The following PCCA variants were observed in gnomAD, a reference collection of about 807,000 sequenced individuals.
PCCA encodes the protein propionyl-CoA carboxylase subunit alpha.
PCCA carries 74 observed loss-of-function variants against 101.3 expected under a neutral mutation model. That is an observed-to-expected ratio of 0.73 (90% confidence interval 0.61 to 0.89). The LOEUF is 0.89. PCCA is among the 40% of genes least tolerant of loss of function. The pLI is 0.00. For missense variants in PCCA, 891 were observed against 907.0 expected, an observed-to-expected ratio of 0.98 and a Z score of 0.23; for synonymous variants, 294 against 313.6, an observed-to-expected ratio of 0.94 and a Z score of 0.66.
intron 4 of PCCA, among the ~76,000 whole-genome samples, chr13:100,115,845 G>T (rs1275751583): frequency 6.6e-6 from 1 of 152,118 alleles, no homozygotes; most frequent in Non-Finnish European, 1.5e-5. Flanking sequence ...CAGAGATTAT[G>T]ATACATAATT....
At chr13:100,338,594 T>C (rs561137492) in intron 17 of PCCA, among the ~76,000 whole-genome samples, 1 of 151,834 alleles carries the variant, frequency 6.6e-6, no homozygotes, top group Non-Finnish European at 1.5e-5. Flanking sequence ...ACTTCTTATA[T>C]AGAGTAATTA....
Position 100,186,738 on chromosome 13 carries a change from C to CAAAAAAAA in PCCA, c.469-22591_469-22584dup, listed in dbSNP as rs376028376. Among the ~76,000 whole-genome samples, 175 of 84,074 alleles carry CAAAAAAAA rather than the reference C, an allele frequency of 2.1e-3. 3 individuals are homozygous for CAAAAAAAA. The highest frequency in any genetic ancestry group is 7.4e-3 in the African/African-American group (160 of 21,584). The allele number at this position is 84,074 out of a possible 152,430, so 55.2% of individuals were successfully genotyped here. On this transcript the variant is annotated intron_variant, in intron 6 of 23. Coordinates refer to ENST00000376285, the MANE Select transcript of PCCA (RefSeq NM_000282.4). ...CCTGGGTGAGAGTGAGATTCCATCT[C>CAAAAAAAA]AAAAAAAAAACAAAAAAAAAAAGAA...
At chr13:100,206,556 G>A (rs2058865856) in intron 6 of PCCA, among the ~76,000 whole-genome samples, 1 of 152,070 alleles carries the variant, frequency 6.6e-6, no homozygotes, top group Non-Finnish European at 1.5e-5. Flanking sequence ...CACTGTGCCC[G>A]GCCATTCTAA....
chr13:100,244,445 G>T (rs897525493), intron 8 of PCCA, among the ~76,000 whole-genome samples: 1 of 151,954 alleles, frequency 6.6e-6, no homozygotes, highest in Non-Finnish European at 1.5e-5. Context: ...TAAATTTGCT[G>T]TTTCTGTCTC....
At chr13:100,390,952 G>C (rs1237415261) in intron 19 of PCCA, among the ~76,000 whole-genome samples, 2 of 152,090 alleles carry the variant, frequency 1.3e-5, no homozygotes, top group Non-Finnish European at 2.9e-5. Flanking sequence ...GATAACAGGT[G>C]CCAGAAGAAG....
At chr13:100,201,114 C>T (rs183683186) in intron 6 of PCCA, among the ~76,000 whole-genome samples, 1 of 152,032 alleles carries the variant, frequency 6.6e-6, no homozygotes, top group Non-Finnish European at 1.5e-5. Flanking sequence ...TGTATTTGTA[C>T]ATAATCTTCC....
chr13:100,416,461 C>T (rs1269975012), intron 19 of PCCA, among the ~76,000 whole-genome samples: 2 of 151,834 alleles, frequency 1.3e-5, no homozygotes, highest in Admixed American at 6.6e-5. Flanking sequence ...GGATTAGAGG[C>T]GTGAGCCACC....
chr13:100,409,905 G>T (rs557788051), intron 19 of PCCA, among the ~76,000 whole-genome samples: 1 of 152,128 alleles, frequency 6.6e-6, no homozygotes, highest in South Asian at 2.1e-4. Flanking sequence ...GGGATTACAG[G>T]CATGCCACCA....
At chr13:100,482,795 C>A (rs183118508) in intron 21 of PCCA, among the ~76,000 whole-genome samples, 1 of 151,970 alleles carries the variant, frequency 6.6e-6, no homozygotes, top group Non-Finnish European at 1.5e-5. Context: ...TCGGGGCGGG[C>A]GGATCATTTG....
chr13:100,117,983 G>C (rs2048977527), intron 4 of PCCA, among the ~76,000 whole-genome samples: 1 of 151,916 alleles, frequency 6.6e-6, no homozygotes, highest in Non-Finnish European at 1.5e-5. Flanking sequence ...AGGCGTGGTG[G>C]CAGGCTCCTG....
chr13:100,441,475 GT>G (rs1296270935), intron 20 of PCCA, among the ~76,000 whole-genome samples: 21 of 152,150 alleles, frequency 1.4e-4, no homozygotes, highest in African/African-American at 4.6e-4. Flanking sequence ...TTTTGCAAAT[GT>G]TTTTGCCTTT....
rs140584906 is a variant in PCCA at position 100,098,657 on chromosome 13, G to T, written c.106-4226G>T. Among the ~76,000 whole-genome samples, 753 of 152,306 alleles carry T rather than the reference G, an allele frequency of 4.9e-3. 3 individuals are homozygous for T. The highest frequency in any genetic ancestry group is 7.3e-3 in the Non-Finnish European group (499 of 68,042). ...TGACAACATCTGCTACAGCGGGATG[G>T]GGAAGAATGGCCTGGCGGAAGAGTC... On this transcript the variant is annotated intron_variant, in intron 1 of 23. Transcript: ENST00000376285.
At chr13:100,234,746 G>T (rs927718746) in intron 7 of PCCA, among the ~76,000 whole-genome samples, 17 of 151,030 alleles carry the variant, frequency 1.1e-4, no homozygotes, top group African/African-American at 4.1e-4. Flanking sequence ...CATTTTAAAC[G>T]TATTAGCTTA....
chr13:100,103,814 G>A (rs1566473310), intron 2 of PCCA, among the ~76,000 whole-genome samples: 1 of 145,734 alleles, frequency 6.9e-6, no homozygotes, highest in Admixed American at 6.8e-5. Context: ...TTTTGTGTTT[G>A]TAGTAGAGAC....
At chr13:100,263,078 T>G (rs763190263) in intron 10 of PCCA, among the ~76,000 whole-genome samples, 13 of 152,140 alleles carry the variant, frequency 8.5e-5, no homozygotes, top group Non-Finnish European at 1.5e-4. Flanking sequence ...TATAGGGCAT[T>G]TTTTAAAAAA....
rs16957305 is a variant in PCCA at position 100,330,498 on chromosome 13, A to G, written c.1430-63A>G. The G allele has an allele frequency of 4.4e-3, 4,313 of 976,446 alleles. 138 individuals are homozygous for G. In the African/African-American group the frequency reaches 0.059, roughly 13 times the overall value. 60.5% of individuals were successfully genotyped at this position (976,446 alleles called of 1,614,324 possible). A position where few individuals can be genotyped will look rare whatever the true frequency, so the allele number is the denominator to read the frequency against. On this transcript the variant is annotated intron_variant, in intron 16 of 23. Coordinates refer to ENST00000376285, the MANE Select transcript of PCCA (RefSeq NM_000282.4). ...GAACAGTGATGATAAATTTCTCCAG[A>G]TTATCAGAATTCAATTTTTCACTGA...
chr13:100,458,574 A>G (rs1341882567), intron 21 of PCCA, among the ~76,000 whole-genome samples: 1 of 152,204 alleles, frequency 6.6e-6, no homozygotes, highest in South Asian at 2.1e-4. Context: ...GTTCAAGGCT[A>G]TAGTGAGGTA....
At chr13:100,177,045 A>G (rs975983229) in intron 6 of PCCA, among the ~76,000 whole-genome samples, 2 of 152,240 alleles carry the variant, frequency 1.3e-5, no homozygotes, top group Non-Finnish European at 2.9e-5. Context: ...CCAAGCTGTC[A>G]TCTACATGCG....
At chr13:100,260,078 G>A (rs1005653415) in intron 9 of PCCA, among the ~76,000 whole-genome samples, 2 of 152,152 alleles carry the variant, frequency 1.3e-5, no homozygotes, top group Non-Finnish European at 2.9e-5. Context: ...GAGGCAAACT[G>A]TAAAGTGCTA....
Sources: allele counts gnomAD v4.1 joint callset (sites outside exome capture counted in the v4.1 genomes callset), GRCh38; gene constraint gnomAD v4.1.1; transcripts MANE v1.5; gene names NCBI Gene and HGNC (gene_info 2026-07-23, HGNC 2026-07-21).